The following ENOX1 variants were observed in gnomAD, a reference collection of about 807,000 sequenced individuals.
ENOX1 encodes the protein candidate growth-related and time keeping constitutive hydroquinone (NADH) oxidase.
In ENOX1, 42 loss-of-function variants were observed where a neutral mutation model predicts 82.5. The observed-to-expected ratio is 0.51, with a 90% CI of 0.40 to 0.66. The LOEUF (loss-of-function observed/expected upper bound fraction) is 0.66, where lower values mean the gene tolerates loss of function less well. Among genes scored for constraint, ENOX1 ranks in the 30% least tolerant of loss-of-function variants. The pLI, the probability that ENOX1 is intolerant of heterozygous loss-of-function variation, is 0.00. For missense variants in ENOX1, 608 were observed against 811.6 expected, an observed-to-expected ratio of 0.75 and a Z score of 3.05; for synonymous variants, 271 against 282.2, an observed-to-expected ratio of 0.96 and a Z score of 0.40.
At chr13:43,389,145 A>T (rs1443872416) in intron 5 of ENOX1, among the ~76,000 whole-genome samples, 1 of 152,088 alleles carries the variant, frequency 6.6e-6, no homozygotes, top group African/African-American at 2.4e-5. Flanking sequence ...AACTAGAAAC[A>T]CTCTTTTGGA....
At chr13:43,520,350 T>C (rs1322383730) in intron 2 of ENOX1, among the ~76,000 whole-genome samples, 4 of 152,154 alleles carry the variant, frequency 2.6e-5, no homozygotes, top group Non-Finnish European at 5.9e-5. Flanking sequence ...CAACAGTCAA[T>C]CTGCACACAC....
At chr13:43,356,476 G>GA (rs2050166099) in intron 7 of ENOX1, among the ~76,000 whole-genome samples, 1 of 152,052 alleles carries the variant, frequency 6.6e-6, no homozygotes, top group Admixed American at 6.5e-5. Flanking sequence ...TCTTCTCCCT[G>GA]GCTTCTAGGA....
chr13:43,773,126 C>G (rs554815586), intron 1 of ENOX1, among the ~76,000 whole-genome samples: 34 of 152,310 alleles, frequency 2.2e-4, no homozygotes, highest in Admixed American at 3.9e-4. Context: ...AATTAGTTCT[C>G]TTGTTTCTAG....
intron 1 of ENOX1, among the ~76,000 whole-genome samples, chr13:43,726,724 G>GTA (rs2088988030): frequency 1.1e-5 from 1 of 89,680 alleles, no homozygotes; most frequent in Admixed American, 1.1e-4. Context: ...ACTTTTGTGT[G>GTA]TGTGTGTGTG....
At chr13:43,692,264 G>A (rs2086404591) in intron 1 of ENOX1, among the ~76,000 whole-genome samples, 1 of 152,148 alleles carries the variant, frequency 6.6e-6, no homozygotes, top group Non-Finnish European at 1.5e-5. Context: ...TTCTTACTAA[G>A]TATCTTCCCC....
intron 9 of ENOX1, among the ~76,000 whole-genome samples, chr13:43,343,583 AT>A (rs2049192362): frequency 6.6e-6 from 1 of 152,210 alleles, no homozygotes; most frequent in Admixed American, 6.5e-5. Context: ...CCTCTCTTCC[AT>A]CCTATCCTGA....
At chr13:43,624,066 C>T (rs887129782) in intron 2 of ENOX1, among the ~76,000 whole-genome samples, 4 of 152,094 alleles carry the variant, frequency 2.6e-5, no homozygotes, top group African/African-American at 9.7e-5. Context: ...GGATTTAGTT[C>T]CTCTGCATCT....
At chr13:43,247,998 G>A (rs1354134343) in intron 14 of ENOX1, among the ~76,000 whole-genome samples, 2 of 140,764 alleles carry the variant, frequency 1.4e-5, no homozygotes, top group Non-Finnish European at 3.1e-5. Context: ...CCATTCTCCT[G>A]CCTCAGCCTC....
At position 43,356,266 on chromosome 13, in the gene ENOX1, G is replaced by A. The variant is rs147264644; in HGVS notation, c.590-114C>T. On this transcript the variant is annotated intron_variant, in intron 7 of 16. Coordinates refer to ENST00000690772, the MANE Select transcript of ENOX1 (RefSeq NM_001347969.2). ...TCACTTATTTCTTGGCTGTCACTAC[G>A]GATACATTTCCCATAGGAAGCGGGA... The A allele has an allele frequency of 6.6e-3, 5,507 of 836,258 alleles. 79 individuals carry two copies. The highest frequency in any genetic ancestry group is 6.5e-3 in the Non-Finnish European group (3,470 of 530,700). 51.8% of individuals were successfully genotyped at this position (836,258 alleles called of 1,614,324 possible). A position where few individuals can be genotyped will look rare whatever the true frequency, so the allele number is the denominator to read the frequency against.
intron 2 of ENOX1, among the ~76,000 whole-genome samples, chr13:43,488,234 T>C (rs1165152943): frequency 1.3e-5 from 2 of 152,168 alleles, no homozygotes; most frequent in Non-Finnish European, 2.9e-5. Flanking sequence ...GATTAGGCCA[T>C]GAGGACTCCT....
Position 43,231,280 on chromosome 13 carries a change from A to G in ENOX1, c.1714+5356T>C, listed in dbSNP as rs73173895. Among the ~76,000 whole-genome samples the G allele has an allele frequency of 2.1e-3, 324 of 152,276 alleles. 3 individuals are homozygous for G. Among genetic ancestry groups the G allele is most frequent in the Non-Finnish European group, 2.2e-3 (147 of 68,018 alleles). On this transcript the variant is annotated intron_variant, in intron 15 of 16. Transcript: ENST00000690772. ...ATCAGCAGGAAAAAAAGCCATGCAA[A>G]ATCTGGGTCTCCTAGTAAGCCCTGA...
chr13:43,633,500 G>A (rs993400409), intron 2 of ENOX1, among the ~76,000 whole-genome samples: 1 of 152,130 alleles, frequency 6.6e-6, no homozygotes, highest in Non-Finnish European at 1.5e-5. Context: ...AAGTCCACGT[G>A]TAGGGGAATG....
At chr13:43,746,485 T>C (rs2153829552) in intron 1 of ENOX1, among the ~76,000 whole-genome samples, 1 of 152,046 alleles carries the variant, frequency 6.6e-6, no homozygotes, top group East Asian at 1.9e-4. Flanking sequence ...ATTAAGGAAA[T>C]TAAAATAAGT....
chr13:43,616,578 T>G (rs532325115), intron 2 of ENOX1, among the ~76,000 whole-genome samples: 2 of 152,176 alleles, frequency 1.3e-5, no homozygotes, highest in South Asian at 4.1e-4. Flanking sequence ...AAACTACAAA[T>G]GAAAATAACA....
At chr13:43,516,011 A>G (rs182403981) in intron 2 of ENOX1, among the ~76,000 whole-genome samples, 1 of 152,076 alleles carries the variant, frequency 6.6e-6, no homozygotes, top group Non-Finnish European at 1.5e-5. Flanking sequence ...ATCTAAGCCT[A>G]TTTTCCACAG....
intron 2 of ENOX1, among the ~76,000 whole-genome samples, chr13:43,614,911 A>C (rs2082343411): frequency 6.6e-6 from 1 of 152,154 alleles, no homozygotes; most frequent in Non-Finnish European, 1.5e-5. Context: ...ACCCCACCCC[A>C]GAACTACTGA....
chr13:43,724,092 G>T (rs1462873525), intron 1 of ENOX1, among the ~76,000 whole-genome samples: 2 of 152,084 alleles, frequency 1.3e-5, no homozygotes, highest in Non-Finnish European at 2.9e-5. Flanking sequence ...ATCACATTAG[G>T]TCTTTTAAAT....
intron 1 of ENOX1, among the ~76,000 whole-genome samples, chr13:43,686,710 CG>C (rs546153906): frequency 1.3e-3 from 191 of 152,284 alleles, no homozygotes; most frequent in South Asian, 3.9e-3. Flanking sequence ...ACAGAAACTG[CG>C]TTTTCCTCCT....
At chr13:43,235,841 T>C (rs1379781446) in intron 15 of ENOX1, among the ~76,000 whole-genome samples, 1 of 152,070 alleles carries the variant, frequency 6.6e-6, no homozygotes, top group East Asian at 1.9e-4. Context: ...GTCTTAACCA[T>C]GCCACCATGG....
Sources: gnomAD v4.1 joint callset for allele counts (sites outside exome capture counted in the v4.1 genomes callset) on GRCh38, gnomAD v4.1.1 for gene constraint, MANE v1.5 for transcripts, NCBI Gene and HGNC (gene_info 2026-07-23, HGNC 2026-07-21) for gene names.